The following XRCC4 variants were observed in gnomAD, a reference collection of about 807,000 sequenced individuals.
XRCC4 encodes X-ray repair cross complementing 4, also known as DNA repair protein XRCC4.
XRCC4 carries 28 observed loss-of-function variants against 39.1 expected under a neutral mutation model. The ratio of observed to expected loss-of-function variants is 0.72; its 90% CI spans 0.53 to 0.98. The LOEUF is 0.98. XRCC4 is among the 50% of genes least tolerant of loss of function. The pLI is 0.00. For missense variants in XRCC4, 350 were observed against 376.4 expected, an observed-to-expected ratio of 0.93 and a Z score of 0.58; for synonymous variants, 123 against 126.4, an observed-to-expected ratio of 0.97 and a Z score of 0.18.
chr5:83,097,825 A>C (rs1029585045), intron 1 of XRCC4, among the ~76,000 whole-genome samples: 1 of 152,152 alleles, frequency 6.6e-6, no homozygotes, highest in Non-Finnish European at 1.5e-5. Flanking sequence ...AAAGTTTCCA[A>C]AATGATAAGT....
chr5:83,334,502 G>A (rs28360322), intron 7 of XRCC4, among the ~76,000 whole-genome samples: 12 of 151,882 alleles, frequency 7.9e-5, no homozygotes, highest in Non-Finnish European at 1.5e-4. Flanking sequence ...TCAATGTAAC[G>A]GAATAGTATG....
chr5:83,341,318 G>A lies in XRCC4; in HGVS notation c.894-11813G>A, dbSNP rs116749338. Among the ~76,000 whole-genome samples, 789 of 152,060 alleles carry A rather than the reference G, an allele frequency of 5.2e-3. 4 individuals are homozygous for A. The highest frequency in any genetic ancestry group is 0.017 in the African/African-American group (720 of 41,486). On this transcript the variant is annotated intron_variant, in intron 7 of 7. Transcript: ENST00000396027. Reference sequence around the variant, plus strand: ...TCCCATAGCTATTGTAGACACATGAGCACATACACACACATACACACATAT... The same window carrying A: ...TCCCATAGCTATTGTAGACACATGAACACATACACACACATACACACATAT...
chr5:83,112,638 A>T (rs995280888), intron 3 of XRCC4, among the ~76,000 whole-genome samples: 3 of 152,182 alleles, frequency 2.0e-5, no homozygotes, highest in African/African-American at 7.2e-5. Context: ...AAAAAGATTT[A>T]ATTGACTCAC....
At chr5:83,208,082 A>G (rs1243163193) in intron 6 of XRCC4, among the ~76,000 whole-genome samples, 1 of 152,036 alleles carries the variant, frequency 6.6e-6, no homozygotes, top group African/African-American at 2.4e-5. Context: ...ATGGATTTTT[A>G]TCATTAATTA....
intron 1 of XRCC4, among the ~76,000 whole-genome samples, chr5:83,102,489 C>T (rs760138901): frequency 2.7e-4 from 41 of 152,186 alleles, no homozygotes; most frequent in Middle Eastern, 3.4e-3. Flanking sequence ...ATAGACTTTT[C>T]AAATCCTCAG....
At chr5:83,302,883 G>A (rs1755339332) in intron 7 of XRCC4, among the ~76,000 whole-genome samples, 1 of 152,078 alleles carries the variant, frequency 6.6e-6, no homozygotes. Flanking sequence ...TATATATGAG[G>A]AGACTGAGGC....
At chr5:83,308,316 G>A (rs56730509) in intron 7 of XRCC4, among the ~76,000 whole-genome samples, 3,028 of 152,252 alleles carry the variant, frequency 0.02, 84 homozygotes, top group African/African-American at 0.07. Context: ...GAGATGAATG[G>A]ATAGAAACAA....
At chr5:83,312,735 T>C (rs1396199809) in intron 7 of XRCC4, among the ~76,000 whole-genome samples, 1 of 152,086 alleles carries the variant, frequency 6.6e-6, no homozygotes, top group Non-Finnish European at 1.5e-5. Context: ...ATTGGCAGTA[T>C]GGAGGCAGGA....
In XRCC4 at chr5:83,204,764, C is replaced by G. The variant is rs753784594; in HGVS notation, c.639-51C>G. 3 of 1,403,144 alleles carry G rather than the reference C, an allele frequency of 2.1e-6. No homozygotes were observed. In the South Asian group the frequency reaches 3.8e-5, roughly 18 times the overall value. 86.9% of individuals were successfully genotyped at this position (1,403,144 alleles called of 1,614,324 possible). A position where few individuals can be genotyped will look rare whatever the true frequency, so the allele number is the denominator to read the frequency against. On this transcript the variant is annotated intron_variant, in intron 5 of 7. Transcript: ENST00000396027. The stretch of plus-strand genomic sequence containing the variant: ...AATTGCTTACTGATAAATCTGCTGC[C>G]TAGCAGGGGGTGAGCCAGTTATTTA...
At chr5:83,241,899 G>C (rs1409218098) in intron 6 of XRCC4, among the ~76,000 whole-genome samples, 2 of 151,786 alleles carry the variant, frequency 1.3e-5, no homozygotes, top group Non-Finnish European at 2.9e-5. Context: ...TTCTCAAAAA[G>C]GTCTTTACCC....
intron 6 of XRCC4, among the ~76,000 whole-genome samples, chr5:83,209,919 A>G (rs988631839): frequency 1.3e-5 from 2 of 152,142 alleles, no homozygotes; most frequent in African/African-American, 4.8e-5. Context: ...GATTTAGCAC[A>G]TTAGTTTAAT....
At chr5:83,117,750 A>G (rs1746804966) in intron 3 of XRCC4, among the ~76,000 whole-genome samples, 1 of 84,452 alleles carries the variant, frequency 1.2e-5, no homozygotes, top group Non-Finnish European at 3.0e-5. Flanking sequence ...ATTTAATTTT[A>G]TTTTAAGTTC....
intron 3 of XRCC4, among the ~76,000 whole-genome samples, chr5:83,156,320 T>G (rs1748961597): frequency 6.6e-6 from 1 of 151,748 alleles, no homozygotes; most frequent in African/African-American, 2.4e-5. Context: ...GGTACCCTGT[T>G]TAAATTCTAG....
intron 7 of XRCC4, among the ~76,000 whole-genome samples, chr5:83,278,005 G>T (rs184801861): frequency 3.3e-3 from 500 of 152,276 alleles, no homozygotes; most frequent in Non-Finnish European, 5.4e-3. Flanking sequence ...TTTCAAGCAG[G>T]TAGTAGGAGT....
chr5:83,141,101 A>G (rs144515484), intron 3 of XRCC4, among the ~76,000 whole-genome samples: 65 of 152,348 alleles, frequency 4.3e-4, no homozygotes, highest in African/African-American at 1.2e-3. Flanking sequence ...TTACATAGCA[A>G]TGTATTCTGG....
intron 6 of XRCC4, among the ~76,000 whole-genome samples, chr5:83,234,508 C>T (rs1234592320): frequency 6.6e-6 from 1 of 152,084 alleles, no homozygotes; most frequent in Non-Finnish European, 1.5e-5. Context: ...CTGGGTTCAA[C>T]AATCCTCCCA....
chr5:83,290,169 C>G (rs1754868886), intron 7 of XRCC4, among the ~76,000 whole-genome samples: 1 of 151,712 alleles, frequency 6.6e-6, no homozygotes, highest in Non-Finnish European at 1.5e-5. Context: ...CCTCAGTTAT[C>G]TAATTGGTAT....
At chr5:83,273,707 G>A (rs1754224365) in intron 7 of XRCC4, among the ~76,000 whole-genome samples, 1 of 152,140 alleles carries the variant, frequency 6.6e-6, no homozygotes, top group African/African-American at 2.4e-5. Context: ...TGTCAAGTTT[G>A]TCACAGATTG....
chr5:83,226,221 C>T (rs900859895), intron 6 of XRCC4, among the ~76,000 whole-genome samples: 1 of 152,048 alleles, frequency 6.6e-6, no homozygotes, highest in East Asian at 1.9e-4. Flanking sequence ...GTAAGAGCTG[C>T]GGTGCTTGGT....
Sources: gnomAD v4.1 joint callset for allele counts (sites outside exome capture counted in the v4.1 genomes callset) on GRCh38, gnomAD v4.1.1 for gene constraint, MANE v1.5 for transcripts, NCBI Gene and HGNC (gene_info 2026-07-23, HGNC 2026-07-21) for gene names.